The following FHIT variants were observed in gnomAD, a reference collection of about 807,000 sequenced individuals.
FHIT encodes the protein fragile histidine triad diadenosine triphosphatase.
A neutral mutation model predicts 17.9 loss-of-function variants in FHIT; 19 were observed. That is an observed-to-expected ratio of 1.06 (90% CI 0.74 to 1.56). The LOEUF is 1.56. Ranked by LOEUF, FHIT falls within the 40% of genes most tolerant of loss-of-function variation. FHIT has a pLI of 0.00. For missense variants in FHIT, 248 were observed against 189.2 expected, an observed-to-expected ratio of 1.31 and a Z score of -1.82; for synonymous variants, 81 against 69.7, an observed-to-expected ratio of 1.16 and a Z score of -0.81.
At chr3:60,782,939 A>G (rs1700441865) in intron 4 of FHIT, among the ~76,000 whole-genome samples, 1 of 152,052 alleles carries the variant, frequency 6.6e-6, no homozygotes, top group African/African-American at 2.4e-5. Flanking sequence ...TCATGACCTA[A>G]TCACCTCAAA....
intron 5 of FHIT, among the ~76,000 whole-genome samples, chr3:60,482,926 G>A (rs1489094524): frequency 1.3e-5 from 2 of 151,262 alleles, no homozygotes; most frequent in East Asian, 1.9e-4. Flanking sequence ...AAAATAGACA[G>A]CAAGCTAGAT....
intron 3 of FHIT, among the ~76,000 whole-genome samples, chr3:60,878,109 C>A (rs1704755380): frequency 6.6e-6 from 1 of 152,120 alleles, no homozygotes; most frequent in African/African-American, 2.4e-5. Flanking sequence ...CAGAGCTGAG[C>A]CAGGGCTGTA....
chr3:60,478,724 A>G (rs540225135), intron 5 of FHIT, among the ~76,000 whole-genome samples: 140 of 152,326 alleles, frequency 9.2e-4, no homozygotes, highest in African/African-American at 3.3e-3. Context: ...CTTACCTTGT[A>G]AAACATTTTA....
At chr3:60,469,487 T>G (rs2032972413) in intron 5 of FHIT, among the ~76,000 whole-genome samples, 1 of 152,192 alleles carries the variant, frequency 6.6e-6, no homozygotes, top group South Asian at 2.1e-4. Context: ...AGCTCCAGAA[T>G]CTCTGCTTGA....
intron 4 of FHIT, among the ~76,000 whole-genome samples, chr3:60,537,915 C>T (rs1031013700): frequency 4.6e-5 from 7 of 151,816 alleles, no homozygotes; most frequent in Non-Finnish European, 7.4e-5. Flanking sequence ...TACAGAAAAA[C>T]AGAGAAAGGA....
chr3:60,244,183 A>T (rs754541523), intron 5 of FHIT, among the ~76,000 whole-genome samples: 7 of 152,058 alleles, frequency 4.6e-5, no homozygotes, highest in Non-Finnish European at 1.0e-4. Flanking sequence ...CAAATTTTCA[A>T]CTGTTCATTC....
rs1491404453 is a variant in FHIT at position 60,195,547 on chromosome 3, A to ATATATATATATATATT, written c.104-181396_104-181395insAATATATATATATATA. 6.8e-5 allele frequency among the ~76,000 whole-genome samples: 6 copies of ATATATATATATATATT among 88,336 alleles called. No individual in the cohort carries two copies. In the East Asian group the frequency reaches 1.6e-3, roughly 24 times the overall value. The allele number at this position is 88,336 out of a possible 152,430, so 58.0% of individuals were successfully genotyped here. ...CCAATAAGCGGATAAGGAAAATGTGATATATATATATATTTATATTTATAT... is the reference window on the plus strand; with the variant it reads ...CCAATAAGCGGATAAGGAAAATGTGATATATATATATATATTTATATATATATATTTATATTTATAT... On this transcript the variant is annotated intron_variant, in intron 5 of 9. Coordinates refer to ENST00000492590, the MANE Select transcript of FHIT (RefSeq NM_002012.4).
chr3:60,308,775 A>C (rs1559807349), intron 5 of FHIT, among the ~76,000 whole-genome samples: 1 of 152,260 alleles, frequency 6.6e-6, no homozygotes, highest in African/African-American at 2.4e-5. Flanking sequence ...TCCTATAATC[A>C]TCTCTATAAC....
In FHIT at chr3:60,991,232, G is replaced by A. The variant is rs1042789674; in HGVS notation, c.-111+50815C>T. On this transcript the variant is annotated intron_variant, in intron 3 of 9. Coordinates refer to ENST00000492590, the MANE Select transcript of FHIT (RefSeq NM_002012.4). ...GGCAGAAGGAATGGCAAATGCAAAGGCCCAGTGCCGGGGACAAGCCGGGCT... is the reference window on the plus strand; with the variant it reads ...GGCAGAAGGAATGGCAAATGCAAAGACCCAGTGCCGGGGACAAGCCGGGCT... Among the ~76,000 whole-genome samples, 14 of 152,306 alleles carry A rather than the reference G, an allele frequency of 9.2e-5. No homozygotes were observed. The South Asian group carries it at 2.9e-3, about 32-fold the overall frequency.
chr3:60,481,244 A>T (rs962510903), intron 5 of FHIT, among the ~76,000 whole-genome samples: 14 of 152,192 alleles, frequency 9.2e-5, no homozygotes, highest in African/African-American at 3.1e-4. Flanking sequence ...AAGCTGGAAA[A>T]CACACTTCAG....
chr3:61,063,271 TA>T (rs1251133718), intron 2 of FHIT, among the ~76,000 whole-genome samples: 1 of 83,822 alleles, frequency 1.2e-5, no homozygotes, highest in Non-Finnish European at 3.1e-5. Flanking sequence ...AAAAAAAGAT[TA>T]GTTTTAAGTG....
At chr3:60,615,570 G>A (rs529222276) in intron 4 of FHIT, among the ~76,000 whole-genome samples, 36 of 152,214 alleles carry the variant, frequency 2.4e-4, no homozygotes, top group Non-Finnish European at 2.1e-4. Context: ...TCACCTATGC[G>A]GTAACTTACA....
At chr3:61,097,019 C>T (rs2035660813) in intron 2 of FHIT, among the ~76,000 whole-genome samples, 1 of 144,750 alleles carries the variant, frequency 6.9e-6, no homozygotes, top group Non-Finnish European at 1.5e-5. Context: ...GGGGAGGCTG[C>T]TGTGAACTGA....
chr3:59,793,915 C>T (rs766128132), intron 8 of FHIT, among the ~76,000 whole-genome samples: 17 of 152,130 alleles, frequency 1.1e-4, no homozygotes, highest in Admixed American at 2.0e-4. Flanking sequence ...AGCTAAGGCC[C>T]GGCCCATGTA....
intron 5 of FHIT, among the ~76,000 whole-genome samples, chr3:60,396,228 G>A (rs560267545): frequency 5.9e-5 from 9 of 152,206 alleles, no homozygotes; most frequent in South Asian, 2.1e-4. Flanking sequence ...AATAAAGAAC[G>A]GATTATGTTT....
intron 8 of FHIT, among the ~76,000 whole-genome samples, chr3:59,857,291 C>T (rs939285022): frequency 6.6e-6 from 1 of 152,144 alleles, no homozygotes; most frequent in Non-Finnish European, 1.5e-5. Context: ...GCGTGAGGAA[C>T]CTTAAGCACT....
At chr3:60,137,856 T>TA (rs1237076249) in intron 5 of FHIT, among the ~76,000 whole-genome samples, 1 of 152,108 alleles carries the variant, frequency 6.6e-6, no homozygotes, top group Non-Finnish European at 1.5e-5. Context: ...AAGCAACATC[T>TA]ACACATAAGA....
intron 8 of FHIT, among the ~76,000 whole-genome samples, chr3:59,805,190 G>C (rs1194005812): frequency 6.6e-6 from 1 of 152,158 alleles, no homozygotes; most frequent in Admixed American, 6.5e-5. Context: ...CAGAGCTTGT[G>C]AAGACAGAGA....
At chr3:61,248,765 C>T (rs1043621909) in intron 1 of FHIT, among the ~76,000 whole-genome samples, 3 of 152,052 alleles carry the variant, frequency 2.0e-5, no homozygotes, top group Non-Finnish European at 2.9e-5. Flanking sequence ...ACAAGGATAC[C>T]AAATAGAAAA....
Sources: allele counts gnomAD v4.1 joint callset (sites outside exome capture counted in the v4.1 genomes callset), GRCh38; gene constraint gnomAD v4.1.1; transcripts MANE v1.5; gene names NCBI Gene and HGNC (gene_info 2026-07-23, HGNC 2026-07-21).